CACNA1I: variants seen among roughly 807,000 people sequenced by gnomAD.
CACNA1I encodes voltage-dependent T-type calcium channel subunit alpha-1I.
CACNA1I carries 74 observed loss-of-function variants against 201.6 expected under a neutral mutation model. That is an observed-to-expected ratio of 0.37 (90% CI 0.30 to 0.45). The LOEUF (loss-of-function observed/expected upper bound fraction) is 0.45. CACNA1I is among the 20% of genes least tolerant of loss of function. The pLI is 1.00. For missense variants in CACNA1I, 2,346 were observed against 3,138.1 expected, an observed-to-expected ratio of 0.75 and a Z score of 6.03; for synonymous variants, 1,431 against 1,345.2, an observed-to-expected ratio of 1.06 and a Z score of -1.40.
intron 4 of CACNA1I, among the ~76,000 whole-genome samples, chr22:39,625,090 T>A (rs917172446): frequency 9.2e-5 from 14 of 152,076 alleles, no homozygotes; most frequent in Non-Finnish European, 1.9e-4. Flanking sequence ...GTATTTTTAG[T>A]AGAGACGGGG....
At chr22:39,571,406 G>GACAGGA in intron 1 of CACNA1I, among the ~76,000 whole-genome samples, 1 of 152,014 alleles carries the variant, frequency 6.6e-6, no homozygotes, top group Non-Finnish European at 1.5e-5. Context: ...CAACACACAG[G>GACAGGA]GCAGGACTCA....
rs1932722418 is a variant in CACNA1I at position 39,585,603 on chromosome 22, G to A, written c.237-12548G>A. On this transcript the variant is annotated intron_variant, in intron 1 of 36. Coordinates refer to ENST00000402142, the MANE Select transcript of CACNA1I (RefSeq NM_021096.4). ...GAGTTTCACCACGTTGACCAGGCTG[G>A]TCTTGAACTGCTAGCCTCGAGTGAT... 2.7e-5 allele frequency among the ~76,000 whole-genome samples: 4 copies of A among 148,166 alleles called. No homozygotes were observed. In the South Asian group the frequency reaches 8.5e-4, roughly 32 times the overall value.
chr22:39,604,385 A>G (rs1216288412), intron 3 of CACNA1I, among the ~76,000 whole-genome samples: 1 of 152,112 alleles, frequency 6.6e-6, no homozygotes, highest in Non-Finnish European at 1.5e-5. Context: ...GCAGGCCAGC[A>G]TCCTTGGGAG....
At chr22:39,673,354 G>A (rs557427948) in intron 28 of CACNA1I, among the ~76,000 whole-genome samples, 1 of 152,076 alleles carries the variant, frequency 6.6e-6, no homozygotes, top group Admixed American at 6.6e-5. Flanking sequence ...TCCTTATGAC[G>A]CCATGACCCA....
intron 1 of CACNA1I, among the ~76,000 whole-genome samples, chr22:39,584,871 T>C (rs2145809344): frequency 6.6e-6 from 1 of 152,354 alleles, no homozygotes; most frequent in East Asian, 1.9e-4. Context: ...ATGGTCCTTG[T>C]AGAGCTCTGA....
Position 39,659,249 on chromosome 22 carries a change from C to G in CACNA1I, c.2330+133C>G. On this transcript the variant is annotated intron_variant, in intron 12 of 36. Transcript: ENST00000402142. This position sits in a 1 kb window ranked among gnomAD's most constrained non-coding sequence, Gnocchi z 4.3. ...GGGTGTGAAGCCTGACACTGTTCCT[C>G]AGTCCCCTGTGGCTTTCAGCAAGCA... is the stretch of plus-strand genomic sequence containing the variant. The G allele has an allele frequency of 1.8e-6, 2 of 1,138,192 alleles. No individual in the cohort carries two copies. Among genetic ancestry groups the G allele is most frequent in the Admixed American group, 4.2e-5 (2 of 48,158 alleles). The allele number at this position is 1,138,192 out of a possible 1,614,324, so 70.5% of individuals were successfully genotyped here. A position where few individuals can be genotyped will look rare whatever the true frequency, so the allele number is the denominator to read the frequency against.
chr22:39,619,929 A>C (rs1327101315), intron 4 of CACNA1I, among the ~76,000 whole-genome samples: 1 of 151,562 alleles, frequency 6.6e-6, no homozygotes, highest in Non-Finnish European at 1.5e-5. Flanking sequence ...CCACCTATCC[A>C]CCTGTCCATC....
rs1466652626 is a variant in CACNA1I, at chr22:39,629,875, G to A, written c.581-4690G>A. Among the ~76,000 whole-genome samples the A allele has an allele frequency of 6.6e-6, 1 of 151,958 alleles. No individual in the cohort carries two copies. Among genetic ancestry groups the A allele is most frequent in the Non-Finnish European group, 1.5e-5 (1 of 67,990 alleles). On this transcript the variant is annotated intron_variant, in intron 4 of 36. Coordinates refer to ENST00000402142, the MANE Select transcript of CACNA1I (RefSeq NM_021096.4). The surrounding 1 kb of genome is among the most constrained non-coding windows in gnomAD (Gnocchi z 4.8). ...TCTCTCCTCTGCCCTGGCCCCCCGCGATCCATTCTCCACCCAGCAGCCCAG... is the reference window on the plus strand; with the variant it reads ...TCTCTCCTCTGCCCTGGCCCCCCGCAATCCATTCTCCACCCAGCAGCCCAG...
chr22:39,685,345 G>C lies in CACNA1I; in HGVS notation c.6028-416G>C. 6.2e-6 allele frequency: 1 copy of C among 161,012 alleles called. No homozygotes were observed. Among genetic ancestry groups the C allele is most frequent in the Non-Finnish European group, 1.3e-5 (1 of 75,028 alleles). The allele number at this position is 161,012 out of a possible 1,614,324, so 10.0% of individuals were successfully genotyped here. On this transcript the variant is annotated intron_variant, in intron 36 of 36. Coordinates refer to ENST00000402142, the MANE Select transcript of CACNA1I (RefSeq NM_021096.4). The surrounding 1 kb of genome is among the most constrained non-coding windows in gnomAD (Gnocchi z 5.0). ...TGGGAGGTGGGGGGCCCACGGGGCC[G>C]GGAGGTGGGGGCCAGGGGCCGGAGC...
At position 39,672,498 on chromosome 22, in the gene CACNA1I, G is replaced by A. The variant is rs75160993; in HGVS notation, c.4649+190G>A. On this transcript the variant is annotated intron_variant, in intron 27 of 36. Coordinates refer to ENST00000402142, the MANE Select transcript of CACNA1I (RefSeq NM_021096.4). ...ATAATTATGGTATCATCTGATGGGC[G>A]TAGGGCATTCTACCTGGCCCTTCTT... Among the ~76,000 whole-genome samples, 154 of 152,312 alleles carry A rather than the reference G, an allele frequency of 1.0e-3. 1 individual carries two copies. In the East Asian group the frequency reaches 0.02, roughly 20 times the overall value.
At chr22:39,650,990 A>G (rs1934630432) in intron 10 of CACNA1I, among the ~76,000 whole-genome samples, 1 of 152,160 alleles carries the variant, frequency 6.6e-6, no homozygotes, top group South Asian at 2.1e-4. Flanking sequence ...TGGGGTTGAC[A>G]GCCTGGGTGG....
intron 1 of CACNA1I, among the ~76,000 whole-genome samples, chr22:39,582,998 ATCCATCCATCTGTCTT>A (rs1282535204): frequency 6.6e-6 from 1 of 150,422 alleles, no homozygotes; most frequent in Non-Finnish European, 1.5e-5. Flanking sequence ...CCACCCACCC[ATCCATCCATCTGTCTT>A]TCCATCCAAG....
intron 3 of CACNA1I, among the ~76,000 whole-genome samples, chr22:39,617,888 C>G (rs900317789): frequency 6.7e-6 from 1 of 149,960 alleles, no homozygotes; most frequent in Admixed American, 6.7e-5. Context: ...TTTCCTCCCT[C>G]CCCCTCAGGT....
chr22:39,619,064 A>G (rs915677988), intron 3 of CACNA1I, among the ~76,000 whole-genome samples: 5 of 152,162 alleles, frequency 3.3e-5, no homozygotes, highest in Non-Finnish European at 7.4e-5. Flanking sequence ...TGGGAGCCCA[A>G]CATCTGTGCT....
intron 1 of CACNA1I, among the ~76,000 whole-genome samples, chr22:39,574,053 C>T (rs1285770593): frequency 6.6e-6 from 1 of 152,176 alleles, no homozygotes; most frequent in Non-Finnish European, 1.5e-5. Context: ...GGGATACGGA[C>T]TCTCTTCAGG....
intron 19 of CACNA1I, 125 bp downstream of exon 19, chr22:39,663,966 G>T (rs1054878358): frequency 1.3e-6 from 2 of 1,528,902 alleles, no homozygotes; most frequent in Non-Finnish European, 1.8e-6. Flanking sequence ...TTTGGGGCGG[G>T]GAAAGCCTCC....
At chr22:39,662,656 C>G (rs1935063234) in intron 17 of CACNA1I, 120 bp from the exon 18 acceptor site, 4 of 778,124 alleles carry the variant, frequency 5.1e-6, no homozygotes, top group Non-Finnish European at 8.5e-6. Flanking sequence ...CCTGGCTGCC[C>G]CCGGGGGGCA....
intron 16 of CACNA1I, 29 bp downstream of exon 16, chr22:39,661,339 G>A (rs1353160872): frequency 1.3e-5 from 19 of 1,499,022 alleles, no homozygotes; most frequent in Non-Finnish European, 1.6e-5. Flanking sequence ...CTCTGGACGG[G>A]CGCTTCCTGC....
Position 39,666,658 on chromosome 22 carries a change from G to A in CACNA1I, c.4104+652G>A, listed in dbSNP as rs1935207071. Among the ~76,000 whole-genome samples, 1 of 152,218 alleles carries A rather than the reference G, an allele frequency of 6.6e-6. No individual in the cohort carries two copies. Among genetic ancestry groups the A allele is most frequent in the Admixed American group, 6.5e-5 (1 of 15,292 alleles). ...CTCGAGGGCCTGCCCAGGAGGCCAG[G>A]TATGTCCAGACGTAGGCGTGCCTTG... is the stretch of plus-strand genomic sequence containing the variant. On this transcript the variant is annotated intron_variant, in intron 23 of 36. Transcript: ENST00000402142. The surrounding 1 kb of genome is among the most constrained non-coding windows in gnomAD (Gnocchi z 4.1).
Sources: gnomAD v4.1 joint callset for allele counts (sites outside exome capture counted in the v4.1 genomes callset) on GRCh38, gnomAD v4.1.1 for gene constraint, Gnocchi (gnomAD v3.1) non-coding constraint, MANE v1.5 for transcripts, NCBI Gene and HGNC (gene_info 2026-07-23, HGNC 2026-07-21) for gene names.